Variants in TMEM71 observed in about 807,000 individuals in gnomAD.
TMEM71 encodes transmembrane protein 71.
A neutral mutation model predicts 38.0 loss-of-function variants in TMEM71; 44 were observed. The observed-to-expected ratio is 1.16, with a 90% CI of 0.91 to 1.49. The LOEUF (loss-of-function observed/expected upper bound fraction) is 1.49, where lower values mean the gene tolerates loss of function less well. Ranked by LOEUF, TMEM71 falls within the 40% of genes most tolerant of loss-of-function variation. The pLI is 0.00. For synonymous variants in TMEM71, 133 were observed against 122.5 expected (o/e 1.09, Z -0.56); for missense variants, 367 against 348.6 (o/e 1.05, Z -0.42).
the TMEM71 span, among the ~76,000 whole-genome samples, chr8:132,766,346 CA>C: frequency 1.2e-4 from 16 of 130,800 alleles, no homozygotes; most frequent in Admixed American, 9.9e-4. Context: ...TACACACCTC[CA>C]GGGGGAAGCA....
the TMEM71 span, among the ~76,000 whole-genome samples, chr8:132,767,783 C>T: frequency 4.6e-5 from 7 of 152,126 alleles, no homozygotes; most frequent in Non-Finnish European, 7.3e-5. Context: ...CCTAGCTCTT[C>T]GTTTTTGACT....
chr8:132,713,826 G>T (rs1826361457), intron 9 of TMEM71, among the ~76,000 whole-genome samples, 169 bp downstream of exon 9: 1 of 152,158 alleles, frequency 6.6e-6, no homozygotes, highest in African/African-American at 2.4e-5. Context: ...AATTTAGGAG[G>T]CAGGATGATA....
At chr8:132,721,536 T>C (rs546877136) in intron 7 of TMEM71, among the ~76,000 whole-genome samples, 2 of 151,944 alleles carry the variant, frequency 1.3e-5, no homozygotes, top group East Asian at 3.9e-4. Context: ...TGGTTTTCTT[T>C]TTCTTTTTTT....
At chr8:132,727,123 C>T (rs920032210) in intron 6 of TMEM71, among the ~76,000 whole-genome samples, 2 of 152,196 alleles carry the variant, frequency 1.3e-5, no homozygotes, top group Admixed American at 6.5e-5. Context: ...TCCCAAAATA[C>T]TGAGATTACA....
intron 7 of TMEM71, among the ~76,000 whole-genome samples, chr8:132,715,985 C>G (rs1826503809): frequency 6.6e-6 from 1 of 152,196 alleles, no homozygotes; most frequent in Admixed American, 6.5e-5. Flanking sequence ...GCTGCAAAGA[C>G]GCCAGCTGCA....
intron 7 of TMEM71, among the ~76,000 whole-genome samples, chr8:132,719,003 A>C (rs1826691192): frequency 6.6e-6 from 1 of 152,240 alleles, no homozygotes; most frequent in African/African-American, 2.4e-5. Context: ...TATCCTTTGG[A>C]AATCTCTTTA....
rs117547222 is a variant in TMEM71, at chr8:132,743,008, G to A, written c.487+3934C>T. 1.7e-3 allele frequency among the ~76,000 whole-genome samples: 265 copies of A among 152,214 alleles called. 1 individual carries two copies. The highest frequency in any genetic ancestry group is 4.8e-3 in the South Asian group (23 of 4,822). ...ATAGAATCATCAGATCTTGTGAGAC[G>A]TATTCACTATCACGAAAACAGCACA... On this transcript the variant is annotated intron_variant, in intron 5 of 9. Transcript: ENST00000677595.
downstream of TMEM71, among the ~76,000 whole-genome samples, chr8:132,706,533 G>A (rs563973583): frequency 6.6e-6 from 1 of 152,148 alleles, no homozygotes; most frequent in South Asian, 2.1e-4. Context: ...GAGGTACAAA[G>A]TATATAGAGT....
upstream of TMEM71, among the ~76,000 whole-genome samples, chr8:132,763,015 A>G (rs1829322380): frequency 6.6e-6 from 1 of 151,844 alleles, no homozygotes; most frequent in African/African-American, 2.4e-5. Context: ...CTTGAGACCC[A>G]CTCATCTTCT....
intron 5 of TMEM71, among the ~76,000 whole-genome samples, chr8:132,735,556 C>T (rs545577620): frequency 6.6e-6 from 1 of 152,290 alleles, no homozygotes; most frequent in South Asian, 2.1e-4. Context: ...CCCAGGTTGA[C>T]TAATTACTGA....
chr8:132,756,222 CAT>C (rs1158728193), intron 3 of TMEM71, among the ~76,000 whole-genome samples: 4 of 151,668 alleles, frequency 2.6e-5, no homozygotes, highest in Non-Finnish European at 4.4e-5. Flanking sequence ...GTAGACTGCA[CAT>C]GTTTTGGTAG....
At chr8:132,763,252 T>TAAG (rs1829325151), upstream of TMEM71, among the ~76,000 whole-genome samples, 1 of 152,204 alleles carries the variant, frequency 6.6e-6, no homozygotes. Context: ...TTCCTTGTAA[T>TAAG]AAGAAACGTA....
intron 4 of TMEM71, among the ~76,000 whole-genome samples, chr8:132,750,889 A>T (rs1315166093): frequency 6.6e-6 from 1 of 152,158 alleles, no homozygotes; most frequent in Non-Finnish European, 1.5e-5. Context: ...ACATCTTTGG[A>T]TGATGAAGAT....
intron 5 of TMEM71, 47 bp downstream of exon 5, chr8:132,746,895 C>A: frequency 6.7e-7 from 1 of 1,491,796 alleles, no homozygotes; most frequent in South Asian, 1.4e-5. Flanking sequence ...TTACCACTGC[C>A]CACTTGGAGA....
intron 5 of TMEM71, among the ~76,000 whole-genome samples, chr8:132,733,709 A>G (rs1357853212): frequency 6.6e-6 from 1 of 152,198 alleles, no homozygotes; most frequent in Non-Finnish European, 1.5e-5. Flanking sequence ...GACCATGCCC[A>G]TCCCAGCACC....
chr8:132,729,167 G>A (rs1827316296), intron 5 of TMEM71, among the ~76,000 whole-genome samples: 1 of 152,178 alleles, frequency 6.6e-6, no homozygotes, highest in Non-Finnish European at 1.5e-5. Context: ...TTCAATGTGA[G>A]GTCACCAAGG....
intron 4 of TMEM71, among the ~76,000 whole-genome samples, 182 bp downstream of exon 4, chr8:132,751,603 T>C (rs1465931118): frequency 6.6e-6 from 1 of 152,098 alleles, no homozygotes; most frequent in Non-Finnish European, 1.5e-5. Context: ...AATAAATGAA[T>C]GAGTGAACAA....
chr8:132,721,681 G>A (rs759463943), intron 7 of TMEM71, among the ~76,000 whole-genome samples: 2 of 151,824 alleles, frequency 1.3e-5, no homozygotes, highest in Admixed American at 1.3e-4. Flanking sequence ...TGAGTAGCTG[G>A]CATTACAGGC....
chr8:132,718,013 C>G (rs1826627079), intron 7 of TMEM71, among the ~76,000 whole-genome samples: 1 of 152,108 alleles, frequency 6.6e-6, no homozygotes, highest in South Asian at 2.1e-4. Context: ...TATTGTATAA[C>G]TCTATAGGAA....
Sources: gnomAD v4.1 joint callset for allele counts (sites outside exome capture counted in the v4.1 genomes callset) on GRCh38, gnomAD v4.1.1 for gene constraint, MANE v1.5 for transcripts, NCBI Gene and HGNC (gene_info 2026-07-23, HGNC 2026-07-21) for gene names.